Variants in PLEKHG4B observed in about 807,000 individuals in gnomAD.
The protein encoded by PLEKHG4B is pleckstrin homology and RhoGEF domain containing G4B.
A neutral mutation model predicts 121.3 loss-of-function variants in PLEKHG4B; 111 were observed. The observed-to-expected ratio is 0.92, with a 90% CI of 0.78 to 1.07. The LOEUF (loss-of-function observed/expected upper bound fraction) is 1.07. Among genes scored for constraint, PLEKHG4B ranks in the 50% least tolerant of loss-of-function variants. The pLI, the probability that PLEKHG4B is intolerant of heterozygous loss-of-function variation, is 0.00. For synonymous variants in PLEKHG4B, 738 were observed against 725.0 expected, an observed-to-expected ratio of 1.02 and a Z score of -0.29; for missense variants, 1,831 against 1,757.8, an observed-to-expected ratio of 1.04 and a Z score of -0.74.
At chr5:135,702 T>TATATATATATATATATATAC (rs1734961356) in intron 2 of PLEKHG4B, among the ~76,000 whole-genome samples, 1 of 81,550 alleles carries the variant, frequency 1.2e-5, no homozygotes, top group African/African-American at 6.5e-5. Flanking sequence ...TATATATATA[T>TATATATATATATATATATAC]ATATATATAT....
Position 182,171 on chromosome 5 carries a change from G to T in PLEKHG4B, c.4732G>T (p.Gly1578Cys), listed in dbSNP as rs1442992608. ...TGTGTCCTCCAGCCCAGCCCACCCG[G>T]GCCTATGGAGCCCTGCCCACAGCCC... is the stretch of plus-strand genomic sequence containing the variant. ...LLVSSSPAHP[G>C]LWSPAHSPWS... is the part of the protein sequence containing the mutation. Residue 1578 changes from glycine to cysteine, a missense_variant, in exon 20 of 20, where the codon GGC becomes TGC. Gly to Cys is a radical substitution (Grantham distance 159). Coordinates refer to ENST00000637938, the MANE Select transcript of PLEKHG4B (RefSeq NM_052909.5). 1 of 1,613,948 alleles carries T rather than the reference G, an allele frequency of 6.2e-7. No homozygotes were observed. Among genetic ancestry groups the T allele is most frequent in the East Asian group, 2.2e-5 (1 of 44,882 alleles).
At chr5:125,975 T>C (rs1734601171) in intron 2 of PLEKHG4B, among the ~76,000 whole-genome samples, 1 of 152,228 alleles carries the variant, frequency 6.6e-6, no homozygotes, top group Non-Finnish European at 1.5e-5. Flanking sequence ...CCGACAATCT[T>C]ATTAAGGTTG....
chr5:154,452 C>A (rs904489019), intron 7 of PLEKHG4B, among the ~76,000 whole-genome samples: 22 of 146,072 alleles, frequency 1.5e-4, no homozygotes, highest in Non-Finnish European at 2.6e-4. Flanking sequence ...GCTGGCCCCG[C>A]ATGCATCAGG....
Position 156,848 on chromosome 5 carries a change from CA to C in PLEKHG4B, c.2426del (p.Asn809IlefsTer49). ...EVHRLVLTSNNRLQQLEHLRE... is the reference protein window; with the variant it reads ...EVHRLVLTSNXRLQQLEHLRE... ...TGCACAGGCTGGTCCTCACCTCGAA[CA>C]ATCGTCTCCAGCAGCTGGAGCACCT... On this transcript the variant is annotated frameshift_variant, in exon 11 of 20. Coordinates refer to ENST00000637938, the MANE Select transcript of PLEKHG4B (RefSeq NM_052909.5). LOFTEE classifies it high-confidence loss of function. This position sits in a 1 kb window ranked among gnomAD's most constrained non-coding sequence, Gnocchi z 4.4. The C allele has an allele frequency of 6.2e-7, 1 of 1,606,114 alleles. No individual in the cohort carries two copies. Among genetic ancestry groups the C allele is most frequent in the Non-Finnish European group, 8.5e-7 (1 of 1,177,000 alleles).
intron 6 of PLEKHG4B, among the ~76,000 whole-genome samples, chr5:145,249 C>T (rs1024636697): frequency 3.3e-5 from 5 of 152,242 alleles, no homozygotes; most frequent in Admixed American, 6.5e-5. Context: ...AGGAGGGCAG[C>T]GCAGCCCCAT....
chr5:139,831 C>A lies in PLEKHG4B; in HGVS notation c.592C>A (p.Pro198Thr), dbSNP rs1381933815. The change falls in exon 3 of 20, where the codon CCT (proline) becomes ACT (threonine). Residue 198 changes from proline (P) to threonine (T), a missense_variant. Coordinates refer to ENST00000637938, the MANE Select transcript of PLEKHG4B (RefSeq NM_052909.5). The surrounding 1 kb of genome is among the most constrained non-coding windows in gnomAD (Gnocchi z 5.0). ...AGCCCCGTGGAGCGACGTCACTGAC[C>A]CTGTCTTTGTCCCCAGCCCTGGAGC... is the stretch of plus-strand genomic sequence containing the variant. ...HRAPWSDVTD[P>T]VFVPSPGAIL... is the part of the protein sequence containing the mutation. The A allele has an allele frequency of 1.5e-5, 6 of 398,950 alleles. No individual in the cohort carries two copies. The highest frequency in any genetic ancestry group is 1.0e-4 in the African/African-American group (5 of 48,562). The allele number at this position is 398,950 out of a possible 1,614,324, so 24.7% of individuals were successfully genotyped here.
chr5:155,261 T>C lies in PLEKHG4B; in HGVS notation c.2110-84T>C, dbSNP rs1735736918. The C allele has an allele frequency of 9.6e-6, 12 of 1,246,250 alleles. No individual in the cohort carries two copies. The South Asian group carries it at 1.2e-4, about 12-fold the overall frequency. 77.2% of individuals were successfully genotyped at this position (1,246,250 alleles called of 1,614,324 possible). On this transcript the variant is annotated intron_variant, in intron 8 of 19. Coordinates refer to ENST00000637938, the MANE Select transcript of PLEKHG4B (RefSeq NM_052909.5). ...CTTCCCAACCCGAGATCGGTCTAAA[T>C]GCAGAAACTGGAACTCACAGCTGCT...
chr5:98,603 T>TTGTGTG (rs35724214), intron 1 of PLEKHG4B, among the ~76,000 whole-genome samples: 2,748 of 111,550 alleles, frequency 0.025, 61 homozygotes, highest in Middle Eastern at 0.034. Flanking sequence ...CCTGGCTAAT[T>TTGTGTG]TGTGTGTGTG....
Position 138,279 on chromosome 5 carries a change from TTG to T in PLEKHG4B, c.244-1203_244-1202del, listed in dbSNP as rs1735042758. Among the ~76,000 whole-genome samples, 14 of 152,352 alleles carry T rather than the reference TTG, an allele frequency of 9.2e-5. 1 individual carries two copies. In the South Asian group the frequency reaches 2.9e-3, roughly 32 times the overall value. On this transcript the variant is annotated intron_variant, in intron 2 of 19. Transcript: ENST00000637938. The stretch of plus-strand genomic sequence containing the variant: ...TAACTTTACATTCTTTAAGTCAAAT[TTG>T]CCATATCAATGATAGTTCCGTTTTA...
At chr5:141,471 C>T (rs1317559951) in intron 3 of PLEKHG4B, among the ~76,000 whole-genome samples, 1 of 150,356 alleles carries the variant, frequency 6.7e-6, no homozygotes, top group African/African-American at 2.5e-5. Context: ...CCTCCGTGGC[C>T]TCCTCCCCAG....
intron 1 of PLEKHG4B, among the ~76,000 whole-genome samples, chr5:97,001 TA>T (rs1733647477): frequency 6.6e-6 from 1 of 152,248 alleles, no homozygotes; most frequent in African/African-American, 2.4e-5. Context: ...TTCACAATGT[TA>T]GGCAACCACC....
chr5:93,394 GC>G (rs1369601016), intron 1 of PLEKHG4B, among the ~76,000 whole-genome samples: 1 of 152,080 alleles, frequency 6.6e-6, no homozygotes, highest in East Asian at 1.9e-4. Context: ...TCTTGAGGAG[GC>G]CGCCGTCTCC....
intron 2 of PLEKHG4B, among the ~76,000 whole-genome samples, chr5:126,342 C>A (rs1319763980): frequency 6.6e-6 from 1 of 152,162 alleles, no homozygotes; most frequent in Non-Finnish European, 1.5e-5. Flanking sequence ...AGTTATTATA[C>A]TTTTCAGCTC....
chr5:98,425 C>CTTTTTTTTTTT (rs55733931), intron 1 of PLEKHG4B, among the ~76,000 whole-genome samples: 3 of 46,820 alleles, frequency 6.4e-5, no homozygotes, highest in African/African-American at 1.8e-4. Flanking sequence ...TTTACTGTAG[C>CTTTTTTTTTTT]TTTTTTTTTT....
chr5:137,298 A>G lies in PLEKHG4B; in HGVS notation c.244-2185A>G, dbSNP rs935534487. On this transcript the variant is annotated intron_variant, in intron 2 of 19. Transcript: ENST00000637938. This position sits in a 1 kb window ranked among gnomAD's most constrained non-coding sequence, Gnocchi z 4.2. ...TGGTGTTTAATGGGTTCACCGTTTC[A>G]GTTTGGGAAGATGGAAAGTTCTGGA... Among the ~76,000 whole-genome samples the G allele has an allele frequency of 4.6e-5, 7 of 152,178 alleles. No individual in the cohort carries two copies. The highest frequency in any genetic ancestry group is 1.7e-4 in the African/African-American group (7 of 41,446).
At chr5:95,236 G>A (rs1444649335) in intron 1 of PLEKHG4B, among the ~76,000 whole-genome samples, 1 of 152,184 alleles carries the variant, frequency 6.6e-6, no homozygotes, top group Admixed American at 6.5e-5. Context: ...ACACAGCCTG[G>A]ACGTGGGTTC....
At chr5:178,346 C>T (rs1053855195) in intron 18 of PLEKHG4B, among the ~76,000 whole-genome samples, 1 of 152,206 alleles carries the variant, frequency 6.6e-6, no homozygotes, top group African/African-American at 2.4e-5. Context: ...CTGCCCTGCT[C>T]ATGCCTGTCT....
In PLEKHG4B at chr5:137,191, A is replaced by T. The variant is rs1004063535; in HGVS notation, c.244-2292A>T. ...GGAAGGACAAATGTTGGATGATTCC[A>T]CTTGTATGAAGTAGTCAAACTCGTC... On this transcript the variant is annotated intron_variant, in intron 2 of 19. Transcript: ENST00000637938. This position sits in a 1 kb window ranked among gnomAD's most constrained non-coding sequence, Gnocchi z 4.2. 6.6e-6 allele frequency among the ~76,000 whole-genome samples: 1 copy of T among 152,152 alleles called. No individual in the cohort carries two copies. Among genetic ancestry groups the T allele is most frequent in the Non-Finnish European group, 1.5e-5 (1 of 68,028 alleles).
Position 171,441 on chromosome 5 carries a change from T to C in PLEKHG4B, c.4047T>C (p.Cys1349=). ...DLLAMDAIRG[C]DVNLKEQGQL... ...TGGCCATGGACGCCATCCGCGGCTG[T>C]GACGTAAGTGCCTCAGACGCTGGCA... is the stretch of plus-strand genomic sequence containing the variant. The change falls in exon 16 of 20, where the codon TGT becomes TGC. Residue 1349 remains cysteine, a synonymous_variant. Coordinates refer to ENST00000637938, the MANE Select transcript of PLEKHG4B (RefSeq NM_052909.5). The C allele has an allele frequency of 1.9e-6, 3 of 1,590,056 alleles. No individual in the cohort carries two copies. The South Asian group carries it at 3.3e-5, about 18-fold the overall frequency.
Sources: gnomAD v4.1 joint callset for allele counts (sites outside exome capture counted in the v4.1 genomes callset) on GRCh38, gnomAD v4.1.1 for gene constraint, Gnocchi (gnomAD v3.1) non-coding constraint, MANE v1.5 for transcripts, NCBI Gene and HGNC (gene_info 2026-07-23, HGNC 2026-07-21) for gene names.